The following PEMT variants were observed in gnomAD, a reference collection of about 807,000 sequenced individuals.
The protein encoded by PEMT is phosphatidylethanolamine N-methyltransferase, also known as phospholipid methyltransferase.
Under a neutral mutation model 27.4 loss-of-function variants are expected in PEMT, and 23 were observed. That is an observed-to-expected ratio of 0.84 (90% CI 0.60 to 1.19). The LOEUF (loss-of-function observed/expected upper bound fraction) is 1.19, where lower values mean the gene tolerates loss of function less well. Ranked by LOEUF, PEMT falls within the 50% of genes most tolerant of loss-of-function variation. The pLI is 0.00. For synonymous variants in PEMT, 137 were observed against 139.1 expected (o/e 0.98, Z 0.11); for missense variants, 307 against 310.1 (o/e 0.99, Z 0.07).
chr17:17,561,382 A>G lies in PEMT; in HGVS notation c.204+15538T>C, dbSNP rs1910461198. Among the ~76,000 whole-genome samples, 1 of 152,238 alleles carries G rather than the reference A, an allele frequency of 6.6e-6. No homozygotes were observed. Among genetic ancestry groups the G allele is most frequent in the African/African-American group, 2.4e-5 (1 of 41,472 alleles). On this transcript the variant is annotated intron_variant, in intron 2 of 6. Coordinates refer to ENST00000255389, the MANE Select transcript of PEMT (RefSeq NM_148172.3). The surrounding 1 kb of genome is among the most constrained non-coding windows in gnomAD (Gnocchi z 4.5). ...CCAAGCGGTGAGGCTGCAAGCTGGA[A>G]GCTAAGTCCCCCTGAGTCCCTGCCT...
At chr17:17,585,291 T>C (rs1597969106) in intron 1 of PEMT, among the ~76,000 whole-genome samples, 1 of 152,044 alleles carries the variant, frequency 6.6e-6, no homozygotes, top group Non-Finnish European at 1.5e-5. Context: ...TGAGCTGAGG[T>C]CATGCCACTG....
intron 3 of PEMT, 67 bp downstream of exon 3, chr17:17,522,213 T>C: frequency 8.7e-7 from 1 of 1,154,688 alleles, no homozygotes; most frequent in Non-Finnish European, 1.3e-6. Context: ...AGGGATGAGG[T>C]ACCACCAGTA....
At chr17:17,577,375 C>G (rs1381590741) in intron 1 of PEMT, 9 of 804,122 alleles carry the variant, frequency 1.1e-5, no homozygotes, top group Non-Finnish European at 1.5e-5. Context: ...AGAGGAAACC[C>G]AAGCAGCTGA....
At chr17:17,587,429 A>G (rs763327150) in intron 1 of PEMT, among the ~76,000 whole-genome samples, 1 of 152,174 alleles carries the variant, frequency 6.6e-6, no homozygotes, top group Non-Finnish European at 1.5e-5. Context: ...AAAACCTAAA[A>G]AAAGAAAGCC....
chr17:17,560,330 G>T (rs1910384586), intron 2 of PEMT, among the ~76,000 whole-genome samples: 1 of 152,130 alleles, frequency 6.6e-6, no homozygotes. Flanking sequence ...ACACCAAGGG[G>T]CCGCCCCATC....
At chr17:17,531,621 C>CAAAAAAAAAAAAAGAAAAAAAAAAA (rs1908099728) in intron 2 of PEMT, among the ~76,000 whole-genome samples, 1 of 62,382 alleles carries the variant, frequency 1.6e-5, no homozygotes, top group Admixed American at 2.5e-4. Context: ...CTATCATATG[C>CAAAAAAAAAAAAAGAAAAAAAAAAA]AAAAAAAAAA....
chr17:17,590,243 A>C (rs1178366509), intron 1 of PEMT, among the ~76,000 whole-genome samples: 1 of 152,186 alleles, frequency 6.6e-6, no homozygotes, highest in Non-Finnish European at 1.5e-5. Flanking sequence ...TACTAAAGTA[A>C]TAGTCTTCTT....
chr17:17,588,186 C>T (rs1912418988), intron 1 of PEMT, among the ~76,000 whole-genome samples: 1 of 152,136 alleles, frequency 6.6e-6, no homozygotes. Flanking sequence ...TTGGCTGATG[C>T]CAAAATTACT....
intron 2 of PEMT, among the ~76,000 whole-genome samples, chr17:17,539,854 C>G (rs1908757437): frequency 6.6e-6 from 1 of 152,228 alleles, no homozygotes; most frequent in Non-Finnish European, 1.5e-5. Context: ...CCCACCCATG[C>G]ACTGGCGCCT....
In PEMT at chr17:17,589,310, CT is replaced by C. The variant is rs559640422; in HGVS notation, c.96+2220del. On this transcript the variant is annotated intron_variant, in intron 1 of 6. Transcript: ENST00000255389. ...TTTTTTTAAAAACAAAAGCAAGATT[CT>C]GTACCTGCTGAAGCAGGCCCAGAAA... Among the ~76,000 whole-genome samples the C allele has an allele frequency of 1.1e-3, 164 of 145,146 alleles. 1 individual carries two copies. The highest frequency in any genetic ancestry group is 6.7e-3 in the South Asian group (31 of 4,632).
At chr17:17,551,308 T>G (rs1909637866) in intron 2 of PEMT, among the ~76,000 whole-genome samples, 2 of 152,226 alleles carry the variant, frequency 1.3e-5, no homozygotes, top group Admixed American at 6.5e-5. Flanking sequence ...GTTGGAATTT[T>G]CATCACGCAT....
intron 2 of PEMT, among the ~76,000 whole-genome samples, chr17:17,550,513 A>G (rs1286721347): frequency 1.3e-5 from 2 of 152,082 alleles, no homozygotes; most frequent in East Asian, 1.9e-4. Context: ...GGTATGCCAC[A>G]GCACCTCCTA....
At chr17:17,515,773 G>A (rs1303601924) in intron 3 of PEMT, among the ~76,000 whole-genome samples, 2 of 152,214 alleles carry the variant, frequency 1.3e-5, no homozygotes, top group South Asian at 2.1e-4. Flanking sequence ...ACAGAATGAG[G>A]TAATATAGGA....
At chr17:17,553,618 A>G (rs1909826476) in intron 2 of PEMT, among the ~76,000 whole-genome samples, 1 of 152,192 alleles carries the variant, frequency 6.6e-6, no homozygotes. Flanking sequence ...CCCAATGGCC[A>G]GCACTAACCT....
intron 5 of PEMT, 115 bp downstream of exon 5, chr17:17,509,319 G>T (rs543377677): frequency 2.5e-5 from 17 of 685,554 alleles, no homozygotes; most frequent in East Asian, 1.0e-4. Context: ...CCCCACAAAT[G>T]ACACGTTCTT....
chr17:17,519,279 C>A (rs1417778021), intron 3 of PEMT, among the ~76,000 whole-genome samples: 1 of 152,116 alleles, frequency 6.6e-6, no homozygotes, highest in African/African-American at 2.4e-5. Flanking sequence ...CCAGGGCACA[C>A]CTCTGCCTCT....
intron 2 of PEMT, chr17:17,570,983 A>G (rs957404508): frequency 4.5e-6 from 4 of 894,064 alleles, no homozygotes; most frequent in Non-Finnish European, 5.4e-6. Context: ...TGGAGACTGG[A>G]GACTCCCACG....
At chr17:17,522,184 A>G in intron 3 of PEMT, 96 bp downstream of exon 3, 1 of 865,042 alleles carries the variant, frequency 1.2e-6, no homozygotes, top group Middle Eastern at 3.1e-4. Context: ...GTGCTCAGAC[A>G]CAAGGCTCCC....
In PEMT at chr17:17,523,483, T is replaced by TAGGGGGCAGCAGATGGC. The variant is rs1307072912; in HGVS notation, c.205-1105_205-1089dup. On this transcript the variant is annotated intron_variant, in intron 2 of 6. Coordinates refer to ENST00000255389, the MANE Select transcript of PEMT (RefSeq NM_148172.3). The surrounding 1 kb of genome is among the most constrained non-coding windows in gnomAD (Gnocchi z 4.8). ...TCAGAGCTCCTTGGCAGTGGCAGGC[T>TAGGGGGCAGCAGATGGC]AGGGGGCAGCAGATGGCGGGGGGCA... Among the ~76,000 whole-genome samples the TAGGGGGCAGCAGATGGC allele has an allele frequency of 6.6e-6, 1 of 152,022 alleles. No homozygotes were observed. The highest frequency in any genetic ancestry group is 1.5e-5 in the Non-Finnish European group (1 of 67,986).
Sources: allele counts gnomAD v4.1 joint callset (sites outside exome capture counted in the v4.1 genomes callset), GRCh38; gene constraint gnomAD v4.1.1; non-coding constraint Gnocchi (gnomAD v3.1); transcripts MANE v1.5; gene names NCBI Gene and HGNC (gene_info 2026-07-23, HGNC 2026-07-21).